The following LYRM4 variants were observed in gnomAD, a reference collection of about 807,000 sequenced individuals.
LYRM4 encodes the protein LYR motif-containing protein 4.
In LYRM4, 9 loss-of-function variants were observed where a neutral mutation model predicts 11.7. That is an observed-to-expected ratio of 0.77 (90% CI 0.46 to 1.34). LYRM4 has a LOEUF of 1.34. Ranked by LOEUF, LYRM4 falls within the 40% of genes most tolerant of loss-of-function variation. The pLI, the probability that LYRM4 is intolerant of heterozygous loss-of-function variation, is 0.00. For missense variants in LYRM4, 133 were observed against 112.5 expected (o/e 1.18, Z -0.82); for synonymous variants, 42 against 40.4 (o/e 1.04, Z -0.15).
At chr6:5,058,578 C>T in the LYRM4 span, among the ~76,000 whole-genome samples, 1 of 152,190 alleles carries the variant, frequency 6.6e-6, no homozygotes, top group African/African-American at 2.4e-5. Context: ...CCATGTGACT[C>T]AGCTTCAGGC....
At chr6:5,066,561 T>A in the LYRM4 span, 1 of 903,606 alleles carries the variant, frequency 1.1e-6, no homozygotes, top group Admixed American at 1.7e-5. Flanking sequence ...TAGTTTTCCA[T>A]CCAGATTTTT....
intron 2 of LYRM4, among the ~76,000 whole-genome samples, chr6:5,175,999 A>G (rs895541559): frequency 6.6e-5 from 10 of 152,084 alleles, no homozygotes; most frequent in African/African-American, 2.4e-4. Flanking sequence ...TAGCATGTGC[A>G]CTATCAGCAT....
chr6:5,038,466 C>G, the LYRM4 span, among the ~76,000 whole-genome samples: 1 of 65,674 alleles, frequency 1.5e-5, no homozygotes, highest in South Asian at 5.7e-4. Flanking sequence ...GAGACGCTCC[C>G]CACTTCCCAG....
intron 2 of LYRM4, among the ~76,000 whole-genome samples, chr6:5,135,408 G>C (rs1369730189): frequency 3.8e-5 from 1 of 26,276 alleles, no homozygotes; most frequent in African/African-American, 3.0e-4. Flanking sequence ...CGGGGCTGTG[G>C]AGGGTGCGGT....
At chr6:5,118,094 A>ATATATTTTTTTTTTT in intron 2 of LYRM4, among the ~76,000 whole-genome samples, 46 of 86,114 alleles carry the variant, frequency 5.3e-4, no homozygotes, top group East Asian at 1.9e-3. Context: ...ATATATATAT[A>ATATATTTTTTTTTTT]TTTTTGTTTT....
At chr6:5,218,621 C>A (rs2127726324) in intron 1 of LYRM4, among the ~76,000 whole-genome samples, 1 of 152,264 alleles carries the variant, frequency 6.6e-6, no homozygotes, top group Non-Finnish European at 1.5e-5. Context: ...CTCTGTGAAC[C>A]AGCTGGAGTA....
At chr6:5,052,491 A>G in the LYRM4 span, among the ~76,000 whole-genome samples, 3 of 152,140 alleles carry the variant, frequency 2.0e-5, no homozygotes, top group African/African-American at 7.2e-5. Context: ...ATAGCATCTC[A>G]CTATGTTGCC....
intron 1 of LYRM4, among the ~76,000 whole-genome samples, chr6:5,251,216 A>G (rs1764414311): frequency 6.6e-6 from 1 of 152,224 alleles, no homozygotes; most frequent in Non-Finnish European, 1.5e-5. Context: ...AAATATTAGG[A>G]AGAAATGGAT....
chr6:5,246,892 G>A (rs543330285), intron 1 of LYRM4, among the ~76,000 whole-genome samples: 3 of 152,202 alleles, frequency 2.0e-5, no homozygotes, highest in South Asian at 2.1e-4. Context: ...TTGAAACCAC[G>A]GAATGTGATA....
chr6:5,202,943 A>G (rs539137594), intron 2 of LYRM4, among the ~76,000 whole-genome samples: 1 of 152,192 alleles, frequency 6.6e-6, no homozygotes, highest in African/African-American at 2.4e-5. Flanking sequence ...GGGCACTGTG[A>G]TAAGTGTGAG....
At chr6:5,139,544 A>G (rs1757291839) in intron 2 of LYRM4, among the ~76,000 whole-genome samples, 2 of 152,230 alleles carry the variant, frequency 1.3e-5, no homozygotes, top group African/African-American at 4.8e-5. Flanking sequence ...TGTTAAATTA[A>G]GTTTGGCCTA....
chr6:5,221,255 T>C (rs528346618), intron 1 of LYRM4, among the ~76,000 whole-genome samples: 1 of 152,376 alleles, frequency 6.6e-6, no homozygotes, highest in East Asian at 1.9e-4. Flanking sequence ...ATTGCATCTG[T>C]CAAAGGTTTC....
intron 2 of LYRM4, among the ~76,000 whole-genome samples, chr6:5,205,051 CA>C (rs1761611936): frequency 6.6e-6 from 1 of 152,022 alleles, no homozygotes; most frequent in Non-Finnish European, 1.5e-5. Context: ...TCTGCATCAA[CA>C]AGGCACTGGG....
chr6:5,060,939 T>C, the LYRM4 span, among the ~76,000 whole-genome samples: 1 of 152,224 alleles, frequency 6.6e-6, no homozygotes, highest in Non-Finnish European at 1.5e-5. Context: ...ATTCATATTT[T>C]CTCGACCAAT....
Position 5,108,462 on chromosome 6 carries a change from A to G in LYRM4, c.*961T>C. ...ATCTTTATTACCTGTAATATACTTA[A>G]AGAGCAGGGGTCCCCAGTTGGTTAA... On this transcript the variant is annotated 3_prime_UTR_variant, in exon 3 of 3. Coordinates refer to ENST00000330636, the MANE Select transcript of LYRM4 (RefSeq NM_020408.6). 1 of 977,634 alleles carries G rather than the reference A, an allele frequency of 1.0e-6. No homozygotes were observed. Among genetic ancestry groups the G allele is most frequent in the Non-Finnish European group, 1.2e-6 (1 of 822,640 alleles). The allele number at this position is 977,634 out of a possible 1,614,324, so 60.6% of individuals were successfully genotyped here.
intron 2 of LYRM4, chr6:5,136,938 T>G: frequency 1.6e-6 from 1 of 613,418 alleles, no homozygotes; most frequent in Non-Finnish European, 2.0e-6. Flanking sequence ...CCACAATCAA[T>G]TTTAGAGCAT....
At chr6:5,099,305 C>T (rs182434516), downstream of LYRM4, among the ~76,000 whole-genome samples, 210 of 151,886 alleles carry the variant, frequency 1.4e-3, no homozygotes, top group African/African-American at 4.8e-3. This position sits in a 1 kb window ranked among gnomAD's most constrained non-coding sequence, Gnocchi z 4.3. Context: ...TGGGCTCAAG[C>T]GATCTTCCTA....
At chr6:5,220,527 C>T (rs1052563232) in intron 1 of LYRM4, among the ~76,000 whole-genome samples, 7 of 152,208 alleles carry the variant, frequency 4.6e-5, no homozygotes, top group Admixed American at 1.3e-4. Context: ...TCATCTACCT[C>T]CAATGACTTG....
At chr6:5,190,367 G>A (rs1004194669) in intron 2 of LYRM4, among the ~76,000 whole-genome samples, 1 of 152,050 alleles carries the variant, frequency 6.6e-6, no homozygotes, top group Non-Finnish European at 1.5e-5. Flanking sequence ...ACTCTGCTTA[G>A]GAAAAAGCCC....
Sources: gnomAD v4.1 joint callset for allele counts (sites outside exome capture counted in the v4.1 genomes callset) on GRCh38, gnomAD v4.1.1 for gene constraint, Gnocchi (gnomAD v3.1) non-coding constraint, MANE v1.5 for transcripts, NCBI Gene and HGNC (gene_info 2026-07-23, HGNC 2026-07-21) for gene names.